Variants in CCDC57 observed in about 807,000 individuals in gnomAD.
CCDC57 encodes the protein coiled-coil domain-containing protein 57.
Under a neutral mutation model 118.9 loss-of-function variants are expected in CCDC57, and 118 were observed. The ratio of observed to expected loss-of-function variants is 0.99; its 90% CI spans 0.86 to 1.16. The LOEUF (loss-of-function observed/expected upper bound fraction) is 1.16. Ranked by LOEUF, CCDC57 falls within the 50% of genes most tolerant of loss-of-function variation. The probability of loss-of-function intolerance (pLI) is 0.00; values close to 1 mark genes in which losing one functional copy is unlikely to be tolerated. For missense variants in CCDC57, 1,300 were observed against 1,320.7 expected (o/e 0.98, Z 0.24); for synonymous variants, 527 against 532.9 (o/e 0.99, Z 0.15).
intron 8 of CCDC57, 78 bp downstream of exon 7, chr17:82,188,140 TG>T: frequency 7.8e-7 from 1 of 1,274,434 alleles, no homozygotes; most frequent in Non-Finnish European, 1.1e-6. Context: ...TCCTGTGGTC[TG>T]GCACCAGTGG....
chr17:82,191,391 T>G (rs2146688033), intron 7 of CCDC57, among the ~76,000 whole-genome samples: 1 of 152,316 alleles, frequency 6.6e-6, no homozygotes, highest in Admixed American at 6.5e-5. Context: ...GTCTATGACG[T>G]GGGCACTGAG....
At chr17:82,201,807 C>G in exon 3 of CCDC57, 1 of 1,613,570 alleles carries the variant, frequency 6.2e-7, no homozygotes, top group Admixed American at 1.7e-5. Context: ...GTTTCCCCTG[C>G]GCCTCCTCCA....
exon 20 of CCDC57, chr17:82,101,784 GGCT>G: frequency 6.2e-7 from 1 of 1,608,610 alleles, no homozygotes; most frequent in Non-Finnish European, 8.5e-7. Flanking sequence ...CCTTTGCCTG[GGCT>G]GCTGTCTTCA....
chr17:82,178,124 C>T (rs981072502), intron 11 of CCDC57, among the ~76,000 whole-genome samples: 5 of 152,214 alleles, frequency 3.3e-5, no homozygotes, highest in Non-Finnish European at 7.3e-5. Flanking sequence ...CGGCCACTAA[C>T]GTCACTGCTC....
intron 13 of CCDC57, 125 bp from the exon 13 acceptor site, chr17:82,163,482 T>G (rs34867501): frequency 8.9e-7 from 1 of 1,119,784 alleles, no homozygotes. Context: ...CTGACCCCAA[T>G]GCGAAGCTGT....
At chr17:82,152,598 G>A (rs544356157) in intron 15 of CCDC57, among the ~76,000 whole-genome samples, 10 of 152,402 alleles carry the variant, frequency 6.6e-5, no homozygotes, top group African/African-American at 1.9e-4. Context: ...GACCAAAAAT[G>A]GGGGCACAGG....
At chr17:82,165,270 C>T (rs765345908) in intron 13 of CCDC57, among the ~76,000 whole-genome samples, 18 of 152,216 alleles carry the variant, frequency 1.2e-4, no homozygotes, top group Non-Finnish European at 1.9e-4. Flanking sequence ...TTTAACCCGA[C>T]GGAGCCCCTA....
chr17:82,114,609 C>T (rs2035611359), intron 19 of CCDC57, among the ~76,000 whole-genome samples: 1 of 152,102 alleles, frequency 6.6e-6, no homozygotes, highest in African/African-American at 2.4e-5. Context: ...GCCACAGTGA[C>T]TAGGTGGAGG....
At chr17:82,111,676 G>A (rs190902242) in intron 19 of CCDC57, among the ~76,000 whole-genome samples, 17 of 152,018 alleles carry the variant, frequency 1.1e-4, no homozygotes, top group Admixed American at 4.6e-4. Flanking sequence ...GTGCGATCTC[G>A]GCTCACTGCA....
rs553148681 is a variant in CCDC57 at position 82,171,617 on chromosome 17, A to G, written c.1882+84T>C. The G allele has an allele frequency of 6.3e-5, 92 of 1,449,158 alleles. No homozygotes were observed. In the East Asian group the frequency reaches 1.8e-3, roughly 28 times the overall value. The allele number at this position is 1,449,158 out of a possible 1,614,324, so 89.8% of individuals were successfully genotyped here. ...AACGTCTGCAGTAGCCTTGAGCTGT[A>G]TATTTGCTATGAGCGGACTTTTGCA... On this transcript the variant is annotated intron_variant, in intron 13 of 19. Transcript: ENST00000665763.
intron 3 of CCDC57, among the ~76,000 whole-genome samples, chr17:82,200,757 C>T (rs8067399): frequency 0.021 from 3,138 of 151,874 alleles, 92 homozygotes; most frequent in African/African-American, 0.065. Flanking sequence ...CACGCTACTG[C>T]GATCCAGCCT....
At chr17:82,146,948 G>A (rs954474954) in intron 16 of CCDC57, among the ~76,000 whole-genome samples, 8 of 152,242 alleles carry the variant, frequency 5.3e-5, no homozygotes, top group African/African-American at 1.9e-4. Context: ...CTCGTCTCGG[G>A]AAGTGCTAGG....
chr17:82,171,405 A>C (rs2044711525), intron 13 of CCDC57, among the ~76,000 whole-genome samples: 1 of 140,402 alleles, frequency 7.1e-6, no homozygotes, highest in African/African-American at 2.7e-5. Context: ...GAGGGAGCAC[A>C]AGGAATTCCA....
rs1598731242 is a variant in CCDC57, at chr17:82,126,324, T to A, written c.2899+1368A>T. 3 of 815,218 alleles carry A rather than the reference T, an allele frequency of 3.7e-6. No homozygotes were observed. The South Asian group carries it at 1.7e-4, about 46-fold the overall frequency. 50.5% of individuals were successfully genotyped at this position (815,218 alleles called of 1,614,324 possible). The stretch of plus-strand genomic sequence containing the variant: ...ACAGACAAGATAAAAAACAAGGACA[T>A]TAAATTACATAAAAATAAAAAATAT... On this transcript the variant is annotated intron_variant, in intron 19 of 19. Transcript: ENST00000665763.
chr17:82,196,793 GGACACCTGCAGAGACGCAGCCCCTCAT>G (rs1198540242), intron 4 of CCDC57, among the ~76,000 whole-genome samples: 1 of 144,838 alleles, frequency 6.9e-6, no homozygotes, highest in Non-Finnish European at 1.5e-5. Flanking sequence ...AAGCCCCTCA[GGACACCTGCAGAGACGCAGCCCCTCAT>G]GACTCCTGCA....
At chr17:82,193,275 G>A (rs948524690) in intron 7 of CCDC57, among the ~76,000 whole-genome samples, 1 of 152,024 alleles carries the variant, frequency 6.6e-6, no homozygotes, top group Non-Finnish European at 1.5e-5. Flanking sequence ...TGGGTGTGGC[G>A]GCTCATGCCT....
At chr17:82,206,927 A>C (rs536390004) in intron 2 of CCDC57, among the ~76,000 whole-genome samples, 2 of 152,342 alleles carry the variant, frequency 1.3e-5, no homozygotes, top group African/African-American at 4.8e-5. Flanking sequence ...AACTAAGTTT[A>C]GGAGGAACTT....
intron 2 of CCDC57, 121 bp from the exon 2 acceptor site, chr17:82,202,073 G>GT: frequency 9.9e-7 from 1 of 1,014,484 alleles, no homozygotes; most frequent in Non-Finnish European, 1.4e-6. Flanking sequence ...GCTCACACCT[G>GT]TAATCCCAGC....
intron 2 of CCDC57, 100 bp from the exon 2 acceptor site, chr17:82,202,052 C>T (rs924505131): frequency 4.1e-6 from 5 of 1,224,668 alleles, no homozygotes; most frequent in Non-Finnish European, 3.3e-6. Context: ...TTACCACGGC[C>T]GGGCACGGTG....
Sources: allele counts gnomAD v4.1 joint callset (sites outside exome capture counted in the v4.1 genomes callset), GRCh38; gene constraint gnomAD v4.1.1; transcripts MANE v1.5; gene names NCBI Gene and HGNC (gene_info 2026-07-23, HGNC 2026-07-21).